Variants in ASPA observed in about 807,000 individuals in gnomAD.
ASPA encodes the protein ACY-2.
ASPA carries 25 observed loss-of-function variants against 29.6 expected under a neutral mutation model. The observed-to-expected ratio is 0.85, with a 90% CI of 0.62 to 1.18. ASPA has a LOEUF of 1.18. ASPA is among the 50% of genes most tolerant of loss of function. The pLI, the probability that ASPA is intolerant of heterozygous loss-of-function variation, is 0.00. For synonymous variants in ASPA, 131 were observed against 130.3 expected (o/e 1.01, Z -0.04); for missense variants, 333 against 385.7 (o/e 0.86, Z 1.14).
intron 3 of ASPA, among the ~76,000 whole-genome samples, chr17:3,487,820 C>A (rs185791731): frequency 6.6e-6 from 1 of 152,246 alleles, no homozygotes; most frequent in East Asian, 1.9e-4. Context: ...CTATTAGAAA[C>A]AGGAGGAAAG....
intron 4 of ASPA, among the ~76,000 whole-genome samples, chr17:3,489,563 AAAAAG>A (rs1002182091): frequency 1.1e-4 from 17 of 150,032 alleles, no homozygotes; most frequent in African/African-American, 4.3e-4. Flanking sequence ...TCTCCATTTT[AAAAAG>A]AAAAGACGAG....
chr17:3,497,751 G>T (rs1374794100), intron 5 of ASPA, among the ~76,000 whole-genome samples: 5 of 152,296 alleles, frequency 3.3e-5, no homozygotes, highest in African/African-American at 1.2e-4. Flanking sequence ...GATTTGGTAG[G>T]TCTGCTGCGC....
At chr17:3,482,896 C>T (rs1031626892) in intron 2 of ASPA, among the ~76,000 whole-genome samples, 44 of 149,426 alleles carry the variant, frequency 2.9e-4, no homozygotes, top group Non-Finnish European at 5.9e-5. Context: ...CCCATTAACT[C>T]GTCATTTAGC....
At chr17:3,481,515 C>T in intron 1 of ASPA, 88 bp from the exon 2 acceptor site, 1 of 1,247,086 alleles carries the variant, frequency 8.0e-7, no homozygotes, top group Non-Finnish European at 1.1e-6. Context: ...GATTTGGCGA[C>T]TGGTTCTTTT....
chr17:3,490,566 C>A lies in ASPA; in HGVS notation c.634+1224C>A, dbSNP rs1022358598. On this transcript the variant is annotated intron_variant, in intron 4 of 5. Transcript: ENST00000263080. The surrounding 1 kb of genome is among the most constrained non-coding windows in gnomAD (Gnocchi z 4.6). ...GCACCCCACTGCAATCACAGACATTCGTTTTGTGCTTGGGAATCCTTTGAC... is the reference window on the plus strand; with the variant it reads ...GCACCCCACTGCAATCACAGACATTAGTTTTGTGCTTGGGAATCCTTTGAC... 6.6e-6 allele frequency among the ~76,000 whole-genome samples: 1 copy of A among 152,102 alleles called. No individual in the cohort carries two copies. The highest frequency in any genetic ancestry group is 1.9e-4 in the East Asian group (1 of 5,184).
chr17:3,481,786 T>C lies in ASPA; in HGVS notation c.420T>C (p.Phe140=). Residue 140 remains phenylalanine, a synonymous_variant, in exon 2 of 6, where the codon TTT becomes TTC. Coordinates refer to ENST00000263080, the MANE Select transcript of ASPA (RefSeq NM_000049.4). ...GGAATAACTTTTTAATTCAGATGTTTCATTACATTAAGGTAATGTTAATGT... is the reference window on the plus strand; with the variant it reads ...GGAATAACTTTTTAATTCAGATGTTCCATTACATTAAGGTAATGTTAATGT... ...DSRNNFLIQM[F]HYIKTSLAPL... is the part of the protein sequence containing the mutation. 6.2e-7 allele frequency: 1 copy of C among 1,606,098 alleles called. No homozygotes were observed. Among genetic ancestry groups the C allele is most frequent in the Non-Finnish European group, 8.5e-7 (1 of 1,174,682 alleles).
chr17:3,478,215 T>C (rs1394717968), intron 1 of ASPA, among the ~76,000 whole-genome samples: 1 of 151,926 alleles, frequency 6.6e-6, no homozygotes, highest in Non-Finnish European at 1.5e-5. Context: ...ATATAAGATA[T>C]GCACAGGCAC....
At position 3,500,572 on chromosome 17, in the gene ASPA, G is replaced by C. The variant is rs371742368; in HGVS notation, c.*1484G>C. ...GGCTGGAGTGCAGTGGCGCAATCTCGGCTCACTGCAAGCTCCGCCTCCCAG... is the reference window on the plus strand; with the variant it reads ...GGCTGGAGTGCAGTGGCGCAATCTCCGCTCACTGCAAGCTCCGCCTCCCAG... On this transcript the variant is annotated 3_prime_UTR_variant, in exon 6 of 6. Transcript: ENST00000263080. 1.3e-5 allele frequency: 2 copies of C among 151,850 alleles called. No homozygotes were observed. Among genetic ancestry groups the C allele is most frequent in the Non-Finnish European group, 2.9e-5 (2 of 68,016 alleles). The allele number at this position is 151,850 out of a possible 1,614,324, so 9.4% of individuals were successfully genotyped here.
At position 3,481,931 on chromosome 17, in the gene ASPA, T is replaced by C. The variant is rs911775823; in HGVS notation, c.432+133T>C. On this transcript the variant is annotated intron_variant, in intron 2 of 5. Transcript: ENST00000263080. ...ATGGGGTTTATTCCATAGCCAGGCT[T>C]GGTGGTTGGGGGGAAAGGGTGCTAC... 9 of 860,732 alleles carry C rather than the reference T, an allele frequency of 1.0e-5. No individual in the cohort carries two copies. In the African/African-American group the frequency reaches 1.4e-4, roughly 13 times the overall value. The allele number at this position is 860,732 out of a possible 1,614,324, so 53.3% of individuals were successfully genotyped here.
intron 4 of ASPA, 132 bp downstream of exon 4, chr17:3,489,474 C>T: frequency 1.4e-6 from 1 of 716,736 alleles, no homozygotes; most frequent in Non-Finnish European, 2.5e-6. Context: ...TCAGCTATTC[C>T]CCAATGGCCA....
At chr17:3,482,614 ACCCAT>A (rs1223983156) in intron 2 of ASPA, among the ~76,000 whole-genome samples, 1 of 152,132 alleles carries the variant, frequency 6.6e-6, no homozygotes, top group Non-Finnish European at 1.5e-5. Flanking sequence ...AACAACACTT[ACCCAT>A]AAGGGTACTC....
At chr17:3,495,470 C>T (rs758050162) in intron 5 of ASPA, among the ~76,000 whole-genome samples, 4 of 152,234 alleles carry the variant, frequency 2.6e-5, no homozygotes, top group African/African-American at 9.6e-5. Context: ...CCCAGTAATA[C>T]AGACGAGTGA....
intron 1 of ASPA, among the ~76,000 whole-genome samples, chr17:3,480,590 T>C (rs575779126): frequency 1.3e-4 from 20 of 152,358 alleles, no homozygotes; most frequent in Admixed American, 1.2e-3. Flanking sequence ...AATAGTGATG[T>C]TATCCCCAGG....
chr17:3,500,419 C>T lies in ASPA; in HGVS notation c.*1331C>T, dbSNP rs1457832124. The T allele has an allele frequency of 6.6e-6, 1 of 152,266 alleles. No individual in the cohort carries two copies. The highest frequency in any genetic ancestry group is 1.5e-5 in the Non-Finnish European group (1 of 68,066). 9.4% of individuals were successfully genotyped at this position (152,266 alleles called of 1,614,324 possible). A position where few individuals can be genotyped will look rare whatever the true frequency, so the allele number is the denominator to read the frequency against. On this transcript the variant is annotated 3_prime_UTR_variant, in exon 6 of 6. Coordinates refer to ENST00000263080, the MANE Select transcript of ASPA (RefSeq NM_000049.4). ...TAGCTTCAAAGCTTCAAAGGACAGC[C>T]TGACTCTCTTAAGAGCTAACACAGC...
chr17:3,481,317 G>A (rs1024210076), intron 1 of ASPA, among the ~76,000 whole-genome samples: 2 of 152,092 alleles, frequency 1.3e-5, no homozygotes, highest in Non-Finnish European at 2.9e-5. Flanking sequence ...GTTCAAGATT[G>A]AAATCAAATG....
At chr17:3,475,943 T>A (rs538501681), upstream of ASPA, 3 of 572,178 alleles carry the variant, frequency 5.2e-6, no homozygotes, top group Non-Finnish European at 6.2e-6. Flanking sequence ...CATATTTTAA[T>A]CCAAATATGG....
intron 3 of ASPA, among the ~76,000 whole-genome samples, chr17:3,484,632 AC>A (rs1302212510): frequency 6.6e-6 from 1 of 152,378 alleles, no homozygotes; most frequent in East Asian, 1.9e-4. Flanking sequence ...ATAGAGCAAT[AC>A]TTTTGTAAAA....
At chr17:3,474,647 ATC>A (rs147521381), upstream of ASPA, among the ~76,000 whole-genome samples, 54 of 152,210 alleles carry the variant, frequency 3.5e-4, no homozygotes, top group East Asian at 8.3e-3. Flanking sequence ...TGCTTTCTCT[ATC>A]TCTGCATTAT....
chr17:3,481,221 T>C (rs1411870396), intron 1 of ASPA, among the ~76,000 whole-genome samples: 2 of 152,204 alleles, frequency 1.3e-5, no homozygotes, highest in Admixed American at 6.5e-5. Context: ...GAAAAAAAGA[T>C]GCATTTGATG....
Sources: gnomAD v4.1 joint callset for allele counts (sites outside exome capture counted in the v4.1 genomes callset) on GRCh38, gnomAD v4.1.1 for gene constraint, Gnocchi (gnomAD v3.1) non-coding constraint, MANE v1.5 for transcripts, NCBI Gene and HGNC (gene_info 2026-07-23, HGNC 2026-07-21) for gene names.